PROM1: variants seen among roughly 807,000 people sequenced by gnomAD.
The protein encoded by PROM1 is prominin 1.
Under a neutral mutation model 116.9 loss-of-function variants are expected in PROM1, and 105 were observed. That is an observed-to-expected ratio of 0.90 (90% confidence interval 0.77 to 1.06). PROM1 has a LOEUF of 1.06. Ranked by LOEUF, PROM1 falls within the 50% of genes least tolerant of loss-of-function variation. PROM1 has a pLI of 0.00. For synonymous variants in PROM1, 393 were observed against 387.0 expected, an observed-to-expected ratio of 1.02 and a Z score of -0.18; for missense variants, 1,122 against 1,045.2, an observed-to-expected ratio of 1.07 and a Z score of -1.01.
intron 13 of PROM1, among the ~76,000 whole-genome samples, chr4:16,006,050 T>C (rs1412980622): frequency 6.6e-6 from 1 of 152,214 alleles, no homozygotes; most frequent in African/African-American, 2.4e-5. Context: ...CTAGGCTACC[T>C]GTCTAAATCC....
intron 5 of PROM1, 91 bp from the exon 6 acceptor site, chr4:16,025,403 G>A: frequency 6.7e-7 from 1 of 1,497,112 alleles, no homozygotes; most frequent in South Asian, 1.2e-5. Context: ...GAGTCAGGGA[G>A]GAGCCCGCAG....
chr4:16,034,715 A>G (rs1433224754), intron 4 of PROM1, among the ~76,000 whole-genome samples: 1 of 152,226 alleles, frequency 6.6e-6, no homozygotes, highest in African/African-American at 2.4e-5. Flanking sequence ...TAAATGGACA[A>G]TCTAGACAGC....
chr4:16,056,615 T>C (rs546153217), intron 2 of PROM1, among the ~76,000 whole-genome samples: 9 of 146,188 alleles, frequency 6.2e-5, no homozygotes, highest in Non-Finnish European at 1.2e-4. Flanking sequence ...CCCTCTGAGA[T>C]GACATTTGAG....
intron 2 of PROM1, 84 bp from the exon 3 acceptor site, chr4:16,039,085 T>C: frequency 9.2e-7 from 1 of 1,088,518 alleles, no homozygotes; most frequent in Non-Finnish European, 1.2e-6. Flanking sequence ...TTTATATGCT[T>C]AAAAATTATT....
chr4:16,045,295 A>T (rs1250482357), intron 2 of PROM1, among the ~76,000 whole-genome samples: 1 of 152,140 alleles, frequency 6.6e-6, no homozygotes, highest in Non-Finnish European at 1.5e-5. Flanking sequence ...ACCTCCCAAA[A>T]GACCCTGCAT....
chr4:16,016,073 C>T (rs750342683), intron 10 of PROM1, 93 bp downstream of exon 10: 93 of 1,140,028 alleles, frequency 8.2e-5, no homozygotes, highest in Non-Finnish European at 1.0e-4. Context: ...TCTAGAATTT[C>T]ACTGCTTTTT....
At chr4:16,041,349 T>TAA (rs147046373) in intron 2 of PROM1, among the ~76,000 whole-genome samples, 1 of 151,372 alleles carries the variant, frequency 6.6e-6, no homozygotes, top group African/African-American at 2.4e-5. Flanking sequence ...TTATCCTGTG[T>TAA]AAAAAAAAAT....
chr4:15,971,010 G>A, intron 27 of PROM1, 33 bp downstream of exon 27: 4 of 1,518,398 alleles, frequency 2.6e-6, no homozygotes, highest in East Asian at 2.4e-5. Context: ...CTATAGTCCT[G>A]TAGATTCTCT....
At chr4:16,071,331 C>T (rs1296979273) in intron 2 of PROM1, among the ~76,000 whole-genome samples, 1 of 152,202 alleles carries the variant, frequency 6.6e-6, no homozygotes, top group Non-Finnish European at 1.5e-5. Flanking sequence ...CACCTTCCTT[C>T]TCTCTCTAAA....
chr4:16,011,485 C>T (rs889988383), intron 11 of PROM1, among the ~76,000 whole-genome samples: 4 of 152,222 alleles, frequency 2.6e-5, no homozygotes, highest in South Asian at 2.1e-4. Context: ...GGCACTGGCC[C>T]GGCTCTAGGA....
chr4:16,050,229 C>T (rs966375601), intron 2 of PROM1, among the ~76,000 whole-genome samples: 2 of 151,758 alleles, frequency 1.3e-5, no homozygotes, highest in Non-Finnish European at 2.9e-5. Flanking sequence ...CCACTGAACT[C>T]CAGCCTGGGT....
intron 8 of PROM1, among the ~76,000 whole-genome samples, chr4:16,023,001 C>T (rs1730289917): frequency 6.6e-6 from 1 of 152,116 alleles, no homozygotes; most frequent in Non-Finnish European, 1.5e-5. Flanking sequence ...TCAACTCTGC[C>T]ATCATAGCAC....
intron 13 of PROM1, chr4:16,003,384 A>T: frequency 2.2e-6 from 1 of 456,774 alleles, no homozygotes; most frequent in Non-Finnish European, 4.4e-6. Context: ...TTCGGCAAAG[A>T]GCATCATGGT....
chr4:15,979,281 TATC>T, intron 26 of PROM1, 111 bp downstream of exon 26: 1 of 1,517,578 alleles, frequency 6.6e-7, no homozygotes, highest in African/African-American at 1.4e-5. Flanking sequence ...ATTGATAAAG[TATC>T]ATACAGAGAG....
intron 8 of PROM1, among the ~76,000 whole-genome samples, chr4:16,022,883 A>G (rs1186277190): frequency 6.6e-6 from 1 of 152,196 alleles, no homozygotes; most frequent in Admixed American, 6.5e-5. Flanking sequence ...CTAAATGTCT[A>G]TAGGTTCCTC....
intron 2 of PROM1, among the ~76,000 whole-genome samples, chr4:16,053,783 G>A (rs1462161130): frequency 6.6e-6 from 1 of 152,210 alleles, no homozygotes; most frequent in Non-Finnish European, 1.5e-5. Flanking sequence ...TTGAGTAGGT[G>A]TGGAATTTTT....
chr4:16,004,832 T>TCTTCCTTCCTTCCTTCCTTC (rs561919636), intron 13 of PROM1, among the ~76,000 whole-genome samples: 7 of 122,612 alleles, frequency 5.7e-5, no homozygotes, highest in African/African-American at 2.1e-4. Context: ...TCTTTCTTTT[T>TCTTCCTTCCTTCCTTCCTTC]CTTCCTTCCT....
At chr4:16,043,973 C>T (rs747717497) in intron 2 of PROM1, among the ~76,000 whole-genome samples, 3 of 152,188 alleles carry the variant, frequency 2.0e-5, no homozygotes, top group African/African-American at 7.2e-5. Context: ...CAGGGGACAG[C>T]GCTGGCAGGA....
At position 16,075,748 on chromosome 4, in the gene PROM1, G is replaced by C. The variant is rs1440488664; in HGVS notation, c.159C>G (p.Gly53=). ...AGATATGCACTAGTTCAAAGAGAAT[G>C]CCAATGGGTCCAGCTTTATGGGAGT... The part of the protein sequence containing the change: ...TQDSHKAGPI[G]ILFELVHIFL... Residue 53 remains glycine, a synonymous_variant, in exon 2 of 28, where the codon GGC becomes GGG. Transcript: ENST00000447510. 1 of 1,613,824 alleles carries C rather than the reference G, an allele frequency of 6.2e-7. No homozygotes were observed. Among genetic ancestry groups the C allele is most frequent in the South Asian group, 1.1e-5 (1 of 90,976 alleles).
Sources: allele counts gnomAD v4.1 joint callset (sites outside exome capture counted in the v4.1 genomes callset), GRCh38; gene constraint gnomAD v4.1.1; transcripts MANE v1.5; gene names NCBI Gene and HGNC (gene_info 2026-07-23, HGNC 2026-07-21).